Variants in PTPN3 observed in about 807,000 individuals in gnomAD.
The protein encoded by PTPN3 is protein tyrosine phosphatase non-receptor type 3, also known as tyrosine-protein phosphatase non-receptor type 3.
In PTPN3, 96 loss-of-function variants were observed where a neutral mutation model predicts 132.7. The observed-to-expected ratio is 0.72, with a 90% CI of 0.61 to 0.86. PTPN3 has a LOEUF of 0.86. PTPN3 is among the 40% of genes least tolerant of loss of function. The pLI is 0.00. For missense variants in PTPN3, 1,125 were observed against 1,159.6 expected (o/e 0.97, Z 0.43); for synonymous variants, 398 against 429.0 (o/e 0.93, Z 0.89).
intron 2 of PTPN3, among the ~76,000 whole-genome samples, chr9:109,462,926 C>T (rs1845917976): frequency 1.3e-5 from 2 of 151,514 alleles, no homozygotes; most frequent in African/African-American, 4.8e-5. Context: ...AAAAATGCAA[C>T]CTGACGTGGG....
intron 6 of PTPN3, among the ~76,000 whole-genome samples, chr9:109,447,456 C>T (rs1289648795): frequency 6.6e-6 from 1 of 152,034 alleles, no homozygotes; most frequent in Admixed American, 6.6e-5. Flanking sequence ...TGAGCTCCCC[C>T]TCACTGGGGG....
chr9:109,535,571 G>A, the PTPN3 span, among the ~76,000 whole-genome samples: 1 of 151,934 alleles, frequency 6.6e-6, no homozygotes, highest in Non-Finnish European at 1.5e-5. Context: ...GTAATCACGT[G>A]ATCTCAGCTC....
intron 23 of PTPN3, 146 bp downstream of exon 23, chr9:109,383,277 G>T: frequency 1.4e-6 from 2 of 1,406,062 alleles, no homozygotes; most frequent in Non-Finnish European, 2.0e-6. Flanking sequence ...CTGGGCCCTG[G>T]CTCTTTGATG....
chr9:109,428,985 C>T (rs1010083300), intron 10 of PTPN3: 33 of 985,248 alleles, frequency 3.3e-5, no homozygotes, highest in South Asian at 1.9e-4. Context: ...TGCAGCTCTG[C>T]GTGAGCTGGT....
chr9:109,457,326 C>T lies in PTPN3; in HGVS notation c.212G>A (p.Gly71Asp). The T allele has an allele frequency of 6.2e-7, 1 of 1,614,162 alleles. No individual in the cohort carries two copies. The highest frequency in any genetic ancestry group is 8.5e-7 in the Non-Finnish European group (1 of 1,180,024). ...CACGGAGTCGTCATCATGCTGTAAA[C>T]CAAAATATTCCTTTTCAGTCACACC... The part of the protein sequence containing the change: ...HLGVTEKEYF[G>D]LQHDDDSVDS... The change falls in exon 3 of 26, where the codon GGT (glycine) becomes GAT (aspartate). Residue 71 changes from glycine (G) to aspartate (D), a missense_variant. Gly to Asp is a moderately conservative substitution (Grantham distance 94). Transcript: ENST00000374541.
chr9:109,390,173 A>T (rs1839942172), intron 21 of PTPN3, among the ~76,000 whole-genome samples: 1 of 152,164 alleles, frequency 6.6e-6, no homozygotes, highest in Admixed American at 6.5e-5. Flanking sequence ...CTTTTAAGAC[A>T]CCGGGAATGT....
chr9:109,529,621 G>C, the PTPN3 span, among the ~76,000 whole-genome samples: 3 of 152,048 alleles, frequency 2.0e-5, no homozygotes, highest in Non-Finnish European at 2.9e-5. Context: ...TGCTTTCTAG[G>C]CTTCTAATGA....
At chr9:109,428,113 T>C (rs987784212) in intron 11 of PTPN3, among the ~76,000 whole-genome samples, 1 of 152,266 alleles carries the variant, frequency 6.6e-6, no homozygotes, top group African/African-American at 2.4e-5. Context: ...CATTCACTGT[T>C]ACTTTGTGGT....
rs143687741 is a variant in PTPN3 at position 109,404,738 on chromosome 9, C to T, written c.1793-130G>A. The T allele has an allele frequency of 4.5e-5, 47 of 1,045,806 alleles. No individual in the cohort carries two copies. The Middle Eastern group carries it at 8.9e-4, about 20-fold the overall frequency. 64.8% of individuals were successfully genotyped at this position (1,045,806 alleles called of 1,614,324 possible). A position where few individuals can be genotyped will look rare whatever the true frequency, so the allele number is the denominator to read the frequency against. Reference sequence around the variant, plus strand: ...AACATCTTATTAAATGATTAAGCTACATGGTAATCATTTTCACCAAAGATA... The same window carrying T: ...AACATCTTATTAAATGATTAAGCTATATGGTAATCATTTTCACCAAAGATA... On this transcript the variant is annotated intron_variant, in intron 18 of 25. Coordinates refer to ENST00000374541, the MANE Select transcript of PTPN3 (RefSeq NM_002829.4).
intron 2 of PTPN3, among the ~76,000 whole-genome samples, chr9:109,459,980 C>T (rs1393581768): frequency 1.3e-5 from 2 of 152,080 alleles, no homozygotes; most frequent in African/African-American, 4.8e-5. Flanking sequence ...ATCCTGGTGA[C>T]ATCCACATCT....
chr9:109,529,330 G>T, the PTPN3 span, among the ~76,000 whole-genome samples: 1 of 152,240 alleles, frequency 6.6e-6, no homozygotes, highest in African/African-American at 2.4e-5. Flanking sequence ...AGACCAGCTA[G>T]ATCAGAAACT....
At position 109,397,712 on chromosome 9, in the gene PTPN3, T is replaced by A. The variant is rs1840714706; in HGVS notation, c.1954-6151A>T. On this transcript the variant is annotated intron_variant, in intron 19 of 25. Coordinates refer to ENST00000374541, the MANE Select transcript of PTPN3 (RefSeq NM_002829.4). Reference sequence around the variant, plus strand: ...CCATAGTGCCCCTTTCCAGGCACAGTCCCAGATGCAGATTCTACTGCTGGC... The same window carrying A: ...CCATAGTGCCCCTTTCCAGGCACAGACCCAGATGCAGATTCTACTGCTGGC... 2.0e-5 allele frequency: 3 copies of A among 152,318 alleles called. No homozygotes were observed. The South Asian group carries it at 6.2e-4, about 32-fold the overall frequency. The allele number at this position is 152,318 out of a possible 1,614,324, so 9.4% of individuals were successfully genotyped here.
rs577064434 is a variant in PTPN3 at position 109,378,735 on chromosome 9, G to C, written c.*821C>G. The C allele has an allele frequency of 2.2e-4, 34 of 152,764 alleles. No individual in the cohort carries two copies. Among genetic ancestry groups the C allele is most frequent in the African/African-American group, 8.2e-4 (34 of 41,562 alleles). 9.5% of individuals were successfully genotyped at this position (152,764 alleles called of 1,614,324 possible). A position where few individuals can be genotyped will look rare whatever the true frequency, so the allele number is the denominator to read the frequency against. ...CTTGAAGTAGCAGCAATACATGTAG[G>C]AGATTCAGTAGTCGGTGATTCCAGT... On this transcript the variant is annotated 3_prime_UTR_variant, in exon 26 of 26. Transcript: ENST00000374541.
chr9:109,405,256 C>T (rs183624187), intron 18 of PTPN3, among the ~76,000 whole-genome samples: 10 of 152,240 alleles, frequency 6.6e-5, no homozygotes, highest in Admixed American at 3.3e-4. Context: ...GGTGGGGAAC[C>T]GGAGAGATCT....
chr9:109,466,523 G>A (rs1846108311), intron 1 of PTPN3, among the ~76,000 whole-genome samples: 1 of 152,146 alleles, frequency 6.6e-6, no homozygotes, highest in Non-Finnish European at 1.5e-5. Context: ...GAGGGGAGGG[G>A]AGACAGATGT....
At chr9:109,401,227 C>T (rs1176863807) in intron 19 of PTPN3, among the ~76,000 whole-genome samples, 1 of 152,200 alleles carries the variant, frequency 6.6e-6, no homozygotes, top group Non-Finnish European at 1.5e-5. Context: ...AAGACAAAGC[C>T]TCGGATGCAC....
At chr9:109,385,125 G>C (rs1257093974) in intron 22 of PTPN3, among the ~76,000 whole-genome samples, 1 of 152,224 alleles carries the variant, frequency 6.6e-6, no homozygotes, top group East Asian at 1.9e-4. Flanking sequence ...TGTACTGCCA[G>C]AGAGACTCCC....
chr9:109,449,759 G>T (rs757501742), intron 5 of PTPN3: 17 of 985,376 alleles, frequency 1.7e-5, no homozygotes, highest in Non-Finnish European at 2.0e-5. Flanking sequence ...ATCTAATATA[G>T]ACAGGGCAGA....
At chr9:109,409,007 G>T (rs545590201) in intron 16 of PTPN3, among the ~76,000 whole-genome samples, 29 of 151,222 alleles carry the variant, frequency 1.9e-4, no homozygotes, top group African/African-American at 6.8e-4. Context: ...TGGCAGCTGG[G>T]GGGTAGGCGA....
Sources: gnomAD v4.1 joint callset for allele counts (sites outside exome capture counted in the v4.1 genomes callset) on GRCh38, gnomAD v4.1.1 for gene constraint, MANE v1.5 for transcripts, NCBI Gene and HGNC (gene_info 2026-07-23, HGNC 2026-07-21) for gene names.